The following TMEM41B variants were observed in gnomAD, a reference collection of about 807,000 sequenced individuals.
The protein encoded by TMEM41B is protein stasimon.
In TMEM41B, 18 loss-of-function variants were observed where a neutral mutation model predicts 31.9. The observed-to-expected ratio is 0.56, with a 90% confidence interval of 0.39 to 0.84. The LOEUF is 0.84. TMEM41B is among the 40% of genes least tolerant of loss of function. The pLI, the probability that TMEM41B is intolerant of heterozygous loss-of-function variation, is 0.00. For synonymous variants in TMEM41B, 144 were observed against 124.3 expected, an observed-to-expected ratio of 1.16 and a Z score of -1.05; for missense variants, 322 against 348.0, an observed-to-expected ratio of 0.93 and a Z score of 0.59.
Position 9,283,404 on chromosome 11 carries a change from T to TA in TMEM41B, c.*19dup. ...CCTGAGATGGTGATGACAGCAAAAC[T>TA]AAAAATCAGATGATTATTTTTACTC... On this transcript the variant is annotated 3_prime_UTR_variant, in exon 7 of 7. Transcript: ENST00000528080. The TA allele has an allele frequency of 6.3e-7, 1 of 1,594,930 alleles. No homozygotes were observed. Among genetic ancestry groups the TA allele is most frequent in the Non-Finnish European group, 8.5e-7 (1 of 1,170,476 alleles).
In TMEM41B at chr11:9,287,672, A is replaced by G. The variant is rs777980046; in HGVS notation, c.567+30T>C. ...CAGACCTTCCAATTAACAAAGAGTT[A>G]CATCAAATAATTTAAAAATACATGT... On this transcript the variant is annotated intron_variant, in intron 5 of 6. Coordinates refer to ENST00000528080, the MANE Select transcript of TMEM41B (RefSeq NM_015012.4). The G allele has an allele frequency of 5.4e-6, 8 of 1,490,028 alleles. No individual in the cohort carries two copies. In the South Asian group the frequency reaches 7.0e-5, roughly 13 times the overall value. The allele number at this position is 1,490,028 out of a possible 1,614,324, so 92.3% of individuals were successfully genotyped here.
intron 1 of TMEM41B, among the ~76,000 whole-genome samples, chr11:9,310,445 T>A (rs193179284): frequency 6.6e-6 from 1 of 152,016 alleles, no homozygotes; most frequent in Non-Finnish European, 1.5e-5. Context: ...TTCTATTCCA[T>A]TTTTTTTAAA....
intron 6 of TMEM41B, among the ~76,000 whole-genome samples, chr11:9,283,875 C>T (rs1382350993): frequency 6.6e-6 from 1 of 151,752 alleles, no homozygotes; most frequent in Admixed American, 6.6e-5. Context: ...ACCTCCGCCT[C>T]CCGGGTTCAA....
chr11:9,307,008 A>G (rs1476181910), intron 1 of TMEM41B, among the ~76,000 whole-genome samples: 6 of 152,110 alleles, frequency 3.9e-5, no homozygotes, highest in South Asian at 4.1e-4. Context: ...CTTTCTCCAT[A>G]TACTCAACAT....
At chr11:9,311,280 C>A in intron 1 of TMEM41B, 1 of 1,510,750 alleles carries the variant, frequency 6.6e-7, no homozygotes. Context: ...GGCCTGTATT[C>A]AGTCAGAATC....
intron 5 of TMEM41B, among the ~76,000 whole-genome samples, chr11:9,287,367 C>T (rs940978230): frequency 4.6e-5 from 7 of 152,130 alleles, no homozygotes; most frequent in African/African-American, 1.7e-4. Context: ...GTTTCCATAA[C>T]AGATGCACAC....
chr11:9,305,328 G>A lies in TMEM41B; in HGVS notation c.122-5627C>T, dbSNP rs1011684166. On this transcript the variant is annotated intron_variant, in intron 1 of 6. Coordinates refer to ENST00000528080, the MANE Select transcript of TMEM41B (RefSeq NM_015012.4). Reference sequence around the variant, plus strand: ...AATTTATAATTATAGGCCAGGTGTCGTGGCTCACTCCTGTAATCGCAGCAC... The same window carrying A: ...AATTTATAATTATAGGCCAGGTGTCATGGCTCACTCCTGTAATCGCAGCAC... Among the ~76,000 whole-genome samples the A allele has an allele frequency of 5.3e-5, 8 of 152,048 alleles. No homozygotes were observed. In the South Asian group the frequency reaches 8.3e-4, roughly 16 times the overall value.
chr11:9,288,589 C>A, intron 3 of TMEM41B, 54 bp from the exon 4 acceptor site: 5 of 1,258,134 alleles, frequency 4.0e-6, no homozygotes, highest in Non-Finnish European at 3.3e-6. Context: ...TTTTAAAAGA[C>A]AAATGTAACA....
At chr11:9,306,337 AC>A (rs1336231605) in intron 1 of TMEM41B, among the ~76,000 whole-genome samples, 1 of 151,988 alleles carries the variant, frequency 6.6e-6, no homozygotes, top group Non-Finnish European at 1.5e-5. Context: ...AGTCTGAATT[AC>A]CCTATTATGT....
At chr11:9,297,900 A>G (rs1338142127) in intron 2 of TMEM41B, among the ~76,000 whole-genome samples, 3 of 150,758 alleles carry the variant, frequency 2.0e-5, no homozygotes, top group African/African-American at 7.3e-5. Context: ...CCCTGTCTCT[A>G]CAAAAAATTA....
intron 2 of TMEM41B, among the ~76,000 whole-genome samples, chr11:9,296,715 T>C (rs1853098234): frequency 6.6e-6 from 1 of 152,122 alleles, no homozygotes; most frequent in African/African-American, 2.4e-5. Context: ...AATAATAATT[T>C]ACAATGAAAA....
chr11:9,300,761 C>T (rs188223327), intron 1 of TMEM41B, among the ~76,000 whole-genome samples: 8,883 of 151,690 alleles, frequency 0.059, 343 homozygotes, highest in South Asian at 0.1. Flanking sequence ...GCCTGTAGTC[C>T]CAGCTACTCG....
At chr11:9,289,208 G>A (rs1852900621) in intron 3 of TMEM41B, among the ~76,000 whole-genome samples, 1 of 152,116 alleles carries the variant, frequency 6.6e-6, no homozygotes, top group Non-Finnish European at 1.5e-5. Context: ...AGTTGCCCAG[G>A]CTAGTCTTGA....
chr11:9,285,973 G>T (rs1852828063), intron 6 of TMEM41B, among the ~76,000 whole-genome samples: 1 of 152,044 alleles, frequency 6.6e-6, no homozygotes, highest in African/African-American at 2.4e-5. Context: ...AAATTAGCCA[G>T]ACGTGGTGGC....
intron 3 of TMEM41B, among the ~76,000 whole-genome samples, chr11:9,290,966 A>G (rs1852944965): frequency 2.0e-5 from 3 of 152,064 alleles, no homozygotes; most frequent in Admixed American, 2.0e-4. Context: ...AAATACAAAA[A>G]TTGGCCAGTC....
chr11:9,306,977 C>CTA (rs1344184975), intron 1 of TMEM41B, among the ~76,000 whole-genome samples: 1 of 152,162 alleles, frequency 6.6e-6, no homozygotes, highest in Non-Finnish European at 1.5e-5. Context: ...ACACTTCCTT[C>CTA]TATATCTTGC....
At position 9,292,692 on chromosome 11, in the gene TMEM41B, TTTC is replaced by T. The variant is rs1852986157; in HGVS notation, c.368+2564_368+2566del. On this transcript the variant is annotated intron_variant, in intron 3 of 6. Coordinates refer to ENST00000528080, the MANE Select transcript of TMEM41B (RefSeq NM_015012.4). ...CAAAAAAATACATGAAGAGACGGGA[TTTC>T]TTCATGTTGGTCAGGCTGGTCTTGA... 2.6e-5 allele frequency among the ~76,000 whole-genome samples: 4 copies of T among 151,934 alleles called. No individual in the cohort carries two copies. In the South Asian group the frequency reaches 8.3e-4, roughly 31 times the overall value.
chr11:9,303,729 A>G (rs1387406720), intron 1 of TMEM41B, among the ~76,000 whole-genome samples: 1 of 143,876 alleles, frequency 7.0e-6, no homozygotes, highest in African/African-American at 2.6e-5. Context: ...GTGCAGTGAC[A>G]GGATCTCAGC....
chr11:9,302,974 A>G lies in TMEM41B; in HGVS notation c.122-3273T>C, dbSNP rs904588985. ...GGCCTGGGCAACACAGTGAGACCCT[A>G]TCTCTAAAAGGAACCAAATAATGTG... is the stretch of plus-strand genomic sequence containing the variant. On this transcript the variant is annotated intron_variant, in intron 1 of 6. Coordinates refer to ENST00000528080, the MANE Select transcript of TMEM41B (RefSeq NM_015012.4). Among the ~76,000 whole-genome samples, 13 of 100,396 alleles carry G rather than the reference A, an allele frequency of 1.3e-4. 2 individuals are homozygous for G. Among genetic ancestry groups the G allele is most frequent in the Admixed American group, 1.2e-3 (13 of 10,468 alleles). 65.9% of individuals were successfully genotyped at this position (100,396 alleles called of 152,430 possible). A position where few individuals can be genotyped will look rare whatever the true frequency, so the allele number is the denominator to read the frequency against.
Sources: gnomAD v4.1 joint callset for allele counts (sites outside exome capture counted in the v4.1 genomes callset) on GRCh38, gnomAD v4.1.1 for gene constraint, MANE v1.5 for transcripts, NCBI Gene and HGNC (gene_info 2026-07-23, HGNC 2026-07-21) for gene names.